The following DEPDC4 variants were observed in gnomAD, a reference collection of about 807,000 sequenced individuals.
DEPDC4 encodes DEP domain-containing protein 4.
Under a neutral mutation model 52.0 loss-of-function variants are expected in DEPDC4, and 52 were observed. The ratio of observed to expected loss-of-function variants is 1.00; its 90% CI spans 0.80 to 1.26. The LOEUF is 1.26. Among genes scored for constraint, DEPDC4 ranks in the 50% most tolerant of loss-of-function variants. The pLI, the probability that DEPDC4 is intolerant of heterozygous loss-of-function variation, is 0.00. For synonymous variants in DEPDC4, 201 were observed against 196.8 expected, an observed-to-expected ratio of 1.02 and a Z score of -0.18; for missense variants, 530 against 546.9, an observed-to-expected ratio of 0.97 and a Z score of 0.31.
the DEPDC4 span, among the ~76,000 whole-genome samples, chr12:100,278,424 T>A: frequency 6.6e-6 from 1 of 152,166 alleles, no homozygotes; most frequent in Admixed American, 6.5e-5. Context: ...CATCTCGAAC[T>A]GCTGGGCTCA....
intron 3 of DEPDC4, among the ~76,000 whole-genome samples, 154 bp downstream of exon 3, chr12:100,262,110 T>C (rs11110322): frequency 0.015 from 2,335 of 152,286 alleles, 57 homozygotes; most frequent in African/African-American, 0.045. Flanking sequence ...ATGTTGATAA[T>C]GGGGAAGGTT....
At chr12:100,243,437 T>C (rs919775580) in intron 8 of DEPDC4, among the ~76,000 whole-genome samples, 5 of 152,112 alleles carry the variant, frequency 3.3e-5, no homozygotes, top group African/African-American at 1.2e-4. Flanking sequence ...GACAATATGG[T>C]CTCCTCCTAC....
downstream of DEPDC4, among the ~76,000 whole-genome samples, chr12:100,235,367 T>TA (rs200968525): frequency 2.8e-5 from 4 of 144,146 alleles, no homozygotes; most frequent in African/African-American, 8.3e-5. Flanking sequence ...TTTTTTTTTT[T>TA]ATTCTCTTTT....
upstream of DEPDC4, among the ~76,000 whole-genome samples, chr12:100,268,747 A>G (rs932630444): frequency 1.3e-5 from 2 of 152,192 alleles, no homozygotes; most frequent in Non-Finnish European, 2.9e-5. Flanking sequence ...TTTGAAATTC[A>G]TGATATACCT....
At chr12:100,271,218 C>T (rs2096287240), upstream of DEPDC4, among the ~76,000 whole-genome samples, 1 of 144,398 alleles carries the variant, frequency 6.9e-6, no homozygotes, top group Non-Finnish European at 1.5e-5. Context: ...CATCTTAAGG[C>T]CAACTCTGGC....
chr12:100,281,122 G>T, the DEPDC4 span, among the ~76,000 whole-genome samples: 1 of 136,408 alleles, frequency 7.3e-6, no homozygotes, highest in South Asian at 2.5e-4. Flanking sequence ...TCCCTCTCCC[G>T]GGCTCAAACG....
upstream of DEPDC4, chr12:100,267,185 T>G: frequency 8.2e-7 from 1 of 1,217,430 alleles, no homozygotes; most frequent in Non-Finnish European, 1.1e-6. Flanking sequence ...TTAGTCTTTT[T>G]CCCCCTCCCT....
At chr12:100,272,208 A>G in the DEPDC4 span, among the ~76,000 whole-genome samples, 1 of 152,216 alleles carries the variant, frequency 6.6e-6, no homozygotes, top group Non-Finnish European at 1.5e-5. Context: ...GTACAATGAG[A>G]AATGCCTTAC....
intron 8 of DEPDC4, among the ~76,000 whole-genome samples, chr12:100,245,522 C>T (rs977085491): frequency 6.6e-6 from 1 of 152,276 alleles, no homozygotes; most frequent in Non-Finnish European, 1.5e-5. Context: ...CTGCTGCGGC[C>T]TCCCAGTGCT....
rs182100350 is a variant in DEPDC4, at chr12:100,257,384, T to C, written c.701-1158A>G. 1.7e-3 allele frequency among the ~76,000 whole-genome samples: 255 copies of C among 149,102 alleles called. 1 individual carries two copies. Among genetic ancestry groups the C allele is most frequent in the African/African-American group, 6.2e-3 (242 of 38,836 alleles). On this transcript the variant is annotated intron_variant, in intron 3 of 9. Coordinates refer to ENST00000550587, the MANE Select transcript of DEPDC4 (RefSeq NM_001364818.2). Reference sequence around the variant, plus strand: ...TGAGCCACTGTGCCCAGCCTGTTTTTATTTATTTATTTATTTTTTGAGATG... The same window carrying C: ...TGAGCCACTGTGCCCAGCCTGTTTTCATTTATTTATTTATTTTTTGAGATG...
rs770385877 is a variant in DEPDC4, at chr12:100,263,834, C to A, written c.217G>T (p.Ala73Ser). The A allele has an allele frequency of 1.9e-6, 3 of 1,614,030 alleles. No individual in the cohort carries two copies. Among genetic ancestry groups the A allele is most frequent in the East Asian group, 2.2e-5 (1 of 44,860 alleles). Residue 73 changes from alanine to serine, a missense_variant, in exon 2 of 10, where the codon GCC (alanine) becomes TCC (serine). Coordinates refer to ENST00000550587, the MANE Select transcript of DEPDC4 (RefSeq NM_001364818.2). ...CTCCTTCTTTTTATTTCCACTTGGG[C>A]CTGAAGAGAGTGAATAATACCATCC... ...LWDGIIHSLQ[A>S]QVEIKRRRHH...
chr12:100,263,430 A>G, intron 2 of DEPDC4, 67 bp downstream of exon 2: 1 of 1,305,010 alleles, frequency 7.7e-7, no homozygotes, highest in South Asian at 1.8e-5. Context: ...ATTCGAGTTT[A>G]GCTCAATAAA....
intron 2 of DEPDC4, among the ~76,000 whole-genome samples, chr12:100,262,772 A>T (rs980523581): frequency 2.0e-5 from 3 of 152,218 alleles, no homozygotes; most frequent in African/African-American, 7.2e-5. Context: ...TTTTCCTGGT[A>T]TAAACTCTGA....
At chr12:100,267,104 G>A, upstream of DEPDC4, 1 of 1,608,664 alleles carries the variant, frequency 6.2e-7, no homozygotes, top group Non-Finnish European at 8.5e-7. Context: ...CACCCGGGGC[G>A]GAGAGAAGTA....
chr12:100,271,392 A>G (rs535652736), upstream of DEPDC4, among the ~76,000 whole-genome samples: 108 of 152,220 alleles, frequency 7.1e-4, no homozygotes, highest in East Asian at 1.2e-3. Flanking sequence ...GAAGTATTTA[A>G]CCGTATTTCA....
At chr12:100,279,005 A>G in the DEPDC4 span, among the ~76,000 whole-genome samples, 1 of 152,140 alleles carries the variant, frequency 6.6e-6, no homozygotes, top group African/African-American at 2.4e-5. Context: ...TTTTTCTTTT[A>G]ATCACTGATT....
chr12:100,256,305 T>C (rs1170897928), intron 3 of DEPDC4, 79 bp from the exon 4 acceptor site: 1 of 1,078,648 alleles, frequency 9.3e-7, no homozygotes, highest in Non-Finnish European at 1.3e-6. Flanking sequence ...AATCGTTCTA[T>C]TTCTAAATAA....
chr12:100,261,253 G>C (rs12321039), intron 3 of DEPDC4, among the ~76,000 whole-genome samples: 1,958 of 151,276 alleles, frequency 0.013, 44 homozygotes, highest in African/African-American at 0.044. Context: ...TGGGCACCCT[G>C]TATTTCCTTT....
In DEPDC4 at chr12:100,252,248, G is replaced by A; in HGVS notation, c.1302C>T (p.Ala434=). Residue 434 remains alanine (A), a synonymous_variant, in exon 7 of 10, where the codon GCC becomes GCT. Coordinates refer to ENST00000550587, the MANE Select transcript of DEPDC4 (RefSeq NM_001364818.2). ...LKTLAKSVLQ[A]KSLLKVRAEQ... is the part of the protein sequence containing the mutation. ...CTGCCCGCACTTTTAATAATGATTT[G>A]GCTTGCAAAACTGATTTGGCAAGAG... 7.3e-7 allele frequency: 1 copy of A among 1,372,496 alleles called. No homozygotes were observed. The highest frequency in any genetic ancestry group is 3.1e-5 in the Admixed American group (1 of 32,250). 85.0% of individuals were successfully genotyped at this position (1,372,496 alleles called of 1,614,324 possible).
Sources: gnomAD v4.1 joint callset for allele counts (sites outside exome capture counted in the v4.1 genomes callset) on GRCh38, gnomAD v4.1.1 for gene constraint, MANE v1.5 for transcripts, NCBI Gene and HGNC (gene_info 2026-07-23, HGNC 2026-07-21) for gene names.